NRXN3: variants seen among roughly 807,000 people sequenced by gnomAD.
NRXN3 encodes neurexin III.
Under a neutral mutation model 137.6 loss-of-function variants are expected in NRXN3, and 32 were observed. The ratio of observed to expected loss-of-function variants is 0.23; its 90% confidence interval spans 0.18 to 0.31. NRXN3 has a LOEUF of 0.31. NRXN3 is among the 10% of genes least tolerant of loss of function. The probability of loss-of-function intolerance (pLI) is 1.00; values close to 1 mark genes in which losing one functional copy is unlikely to be tolerated. For missense variants in NRXN3, 1,574 were observed against 2,062.5 expected (o/e 0.76, Z 4.59); for synonymous variants, 798 against 784.5 (o/e 1.02, Z -0.29).
At chr14:78,244,897 G>A (rs2067465169) in intron 2 of NRXN3, among the ~76,000 whole-genome samples, 1 of 152,216 alleles carries the variant, frequency 6.6e-6, no homozygotes, top group Non-Finnish European at 1.5e-5. Flanking sequence ...GGGAGGCACA[G>A]AGGCTTAGGT....
chr14:78,258,518 G>A (rs2070088128), intron 2 of NRXN3, among the ~76,000 whole-genome samples: 1 of 152,036 alleles, frequency 6.6e-6, no homozygotes, highest in Non-Finnish European at 1.5e-5. Context: ...GGCTGCCTAG[G>A]GAAGGAATGT....
At chr14:78,919,735 C>T (rs984984046) in intron 10 of NRXN3, among the ~76,000 whole-genome samples, 1 of 151,192 alleles carries the variant, frequency 6.6e-6, no homozygotes, top group Admixed American at 6.9e-5. Context: ...ACATATTGAA[C>T]ATAACTTATT....
intron 4 of NRXN3, among the ~76,000 whole-genome samples, chr14:78,642,748 G>T (rs1378451057): frequency 6.6e-6 from 1 of 152,180 alleles, no homozygotes; most frequent in East Asian, 1.9e-4. Flanking sequence ...TAACAAAGAC[G>T]ATTCTTCAGA....
chr14:79,797,270 G>A (rs1178044471), intron 19 of NRXN3, among the ~76,000 whole-genome samples: 1 of 152,172 alleles, frequency 6.6e-6, no homozygotes, highest in Non-Finnish European at 1.5e-5. Flanking sequence ...ATATGAGCAA[G>A]TAAGTTATGC....
At chr14:79,234,465 C>T (rs2073017340) in intron 15 of NRXN3, among the ~76,000 whole-genome samples, 2 of 149,608 alleles carry the variant, frequency 1.3e-5, no homozygotes, top group East Asian at 3.9e-4. Context: ...CTTACTGCAA[C>T]CTCCACCTCC....
chr14:78,611,650 G>T (rs2097301941), intron 4 of NRXN3, among the ~76,000 whole-genome samples: 1 of 152,126 alleles, frequency 6.6e-6, no homozygotes, highest in Non-Finnish European at 1.5e-5. Context: ...CCAAGATCAG[G>T]CAAGTAAGTG....
chr14:79,779,532 G>A (rs1455688597), intron 19 of NRXN3, among the ~76,000 whole-genome samples: 1 of 151,928 alleles, frequency 6.6e-6, no homozygotes, highest in African/African-American at 2.4e-5. Context: ...TCTGGACTTT[G>A]GGGGTTTTGT....
chr14:78,382,584 G>A (rs1218572697), intron 4 of NRXN3, among the ~76,000 whole-genome samples: 1 of 152,208 alleles, frequency 6.6e-6, no homozygotes, highest in Non-Finnish European at 1.5e-5. Context: ...GACTGAAGTA[G>A]TGTAAATAAG....
At chr14:79,589,801 C>G (rs2097789008) in intron 16 of NRXN3, among the ~76,000 whole-genome samples, 1 of 152,076 alleles carries the variant, frequency 6.6e-6, no homozygotes, top group South Asian at 2.1e-4. Context: ...CTTAATGAGT[C>G]TCTGACGCTA....
intron 15 of NRXN3, among the ~76,000 whole-genome samples, chr14:79,110,754 A>AATT (rs749315249): frequency 7.3e-6 from 1 of 136,838 alleles, no homozygotes; most frequent in Non-Finnish European, 1.5e-5. Context: ...TTCAATGAGA[A>AATT]ATTATTATTT....
intron 16 of NRXN3, among the ~76,000 whole-genome samples, chr14:79,630,866 G>A (rs754547346): frequency 6.6e-6 from 1 of 152,106 alleles, no homozygotes. Context: ...TAATATACCC[G>A]TATATAGATA....
intron 15 of NRXN3, among the ~76,000 whole-genome samples, chr14:79,290,284 C>T (rs191209831): frequency 2.6e-5 from 4 of 152,256 alleles, no homozygotes; most frequent in South Asian, 2.1e-4. Context: ...AAAATGAACT[C>T]GGGGTGAGCC....
intron 15 of NRXN3, among the ~76,000 whole-genome samples, chr14:79,343,875 G>A (rs2092735722): frequency 6.6e-6 from 1 of 152,194 alleles, no homozygotes; most frequent in African/African-American, 2.4e-5. Flanking sequence ...CTAGGCTCAA[G>A]CAATCCTCCT....
At chr14:78,334,909 C>T (rs2081278300) in intron 4 of NRXN3, among the ~76,000 whole-genome samples, 1 of 152,050 alleles carries the variant, frequency 6.6e-6, no homozygotes, top group African/African-American at 2.4e-5. Context: ...GAAATTTTTG[C>T]CAACATTATA....
At chr14:79,412,424 A>G (rs2095430113) in intron 15 of NRXN3, among the ~76,000 whole-genome samples, 1 of 152,024 alleles carries the variant, frequency 6.6e-6, no homozygotes, top group African/African-American at 2.4e-5. Context: ...GCACTAGAGG[A>G]AGGGATAGAA....
At chr14:78,601,972 A>G (rs1416259047) in intron 4 of NRXN3, among the ~76,000 whole-genome samples, 3 of 152,200 alleles carry the variant, frequency 2.0e-5, no homozygotes, top group African/African-American at 7.2e-5. Context: ...TAAGGTTAGG[A>G]AAATGCTATC....
At chr14:78,471,168 A>G (rs144375604) in intron 4 of NRXN3, among the ~76,000 whole-genome samples, 111 of 152,274 alleles carry the variant, frequency 7.3e-4, no homozygotes, top group African/African-American at 2.6e-3. Context: ...GGAAATTCTC[A>G]TAAAAATCAA....
At chr14:79,380,668 G>A (rs1469098930) in intron 15 of NRXN3, among the ~76,000 whole-genome samples, 1 of 152,166 alleles carries the variant, frequency 6.6e-6, no homozygotes, top group Non-Finnish European at 1.5e-5. Flanking sequence ...ACGTGTGCAT[G>A]TGTCTTTATA....
Position 78,854,992 on chromosome 14 carries a change from C to G in NRXN3, c.2275+44648C>G, listed in dbSNP as rs943553903. On this transcript the variant is annotated intron_variant, in intron 10 of 20. Coordinates refer to ENST00000335750, the MANE Select transcript of NRXN3 (RefSeq NM_001330195.2). ...ATAGCTGGCCAACATGGTGAAACCC[C>G]GTCTCTACTAAAAATACAAAAATTA... Among the ~76,000 whole-genome samples the G allele has an allele frequency of 2.0e-5, 3 of 151,938 alleles. No homozygotes were observed. The East Asian group carries it at 5.8e-4, about 29-fold the overall frequency.
Sources: allele counts gnomAD v4.1 joint callset (sites outside exome capture counted in the v4.1 genomes callset), GRCh38; gene constraint gnomAD v4.1.1; transcripts MANE v1.5; gene names NCBI Gene and HGNC (gene_info 2026-07-23, HGNC 2026-07-21).